UEVLD: variants seen among roughly 807,000 people sequenced by gnomAD.
UEVLD encodes the protein ubiquitin-conjugating enzyme E2 variant 3.
UEVLD carries 47 observed loss-of-function variants against 58.6 expected under a neutral mutation model. The observed-to-expected ratio is 0.80, with a 90% CI of 0.63 to 1.02. UEVLD has a LOEUF of 1.02. Among genes scored for constraint, UEVLD ranks in the 50% least tolerant of loss-of-function variants. UEVLD has a pLI of 0.00. For missense variants in UEVLD, 510 were observed against 550.6 expected, an observed-to-expected ratio of 0.93 and a Z score of 0.74; for synonymous variants, 197 against 195.3, an observed-to-expected ratio of 1.01 and a Z score of -0.07.
In UEVLD at chr11:18,532,322, A is replaced by G. The variant is rs1850592847; in HGVS notation, c.1414T>C (p.Ter472ArgextTer6). 1 of 1,593,982 alleles carries G rather than the reference A, an allele frequency of 6.3e-7. No homozygotes were observed. The highest frequency in any genetic ancestry group is 2.3e-5 in the East Asian group (1 of 44,184). The stretch of plus-strand genomic sequence containing the variant: ...GCCTCTCAAATTGCATTTGAGAATC[A>G]AAGTTTTAACTGTTGTTGGAGACTG... ...IHSLQQQLKL[*>R] Residue 472 changes from the stop codon to arginine, a stop_lost, in exon 12 of 12, where the codon TGA becomes CGA. Transcript: ENST00000396197.
At chr11:18,579,499 T>C (rs1017872757) in intron 1 of UEVLD, 2 of 985,292 alleles carry the variant, frequency 2.0e-6, no homozygotes, top group African/African-American at 3.5e-5. Context: ...AACCGTCTTT[T>C]TGGCACGGCT....
intron 7 of UEVLD, among the ~76,000 whole-genome samples, chr11:18,548,947 G>T (rs938416112): frequency 6.6e-6 from 1 of 152,152 alleles, no homozygotes; most frequent in African/African-American, 2.4e-5. Context: ...AAAACCTCAA[G>T]AATTAGAAGA....
intron 1 of UEVLD, among the ~76,000 whole-genome samples, chr11:18,579,105 G>A (rs1285810521): frequency 6.6e-6 from 1 of 152,084 alleles, no homozygotes; most frequent in Non-Finnish European, 1.5e-5. Context: ...CTGACCTCGT[G>A]ATCTGCCTGC....
In UEVLD at chr11:18,542,890, CTTTTT is replaced by C. The variant is rs890676886; in HGVS notation, c.1060+1728_1060+1732del. Among the ~76,000 whole-genome samples the C allele has an allele frequency of 3.0e-3, 374 of 125,896 alleles. 1 individual carries two copies. Among genetic ancestry groups the C allele is most frequent in the Non-Finnish European group, 4.2e-3 (260 of 62,120 alleles). 82.6% of individuals were successfully genotyped at this position (125,896 alleles called of 152,430 possible). ...CAGAGGAGTTATTTTCTTTTCTTTT[CTTTTT>C]TTTTTTTTTTTCTTTGAGACTAAGT... On this transcript the variant is annotated intron_variant, in intron 9 of 11. Transcript: ENST00000396197.
chr11:18,545,436 T>TTG (rs2133975877), intron 8 of UEVLD, among the ~76,000 whole-genome samples: 1 of 150,468 alleles, frequency 6.6e-6, no homozygotes, highest in East Asian at 2.0e-4. Context: ...TTTTACTGTG[T>TTG]TTTGTTTGTT....
intron 2 of UEVLD, among the ~76,000 whole-genome samples, chr11:18,577,390 C>T (rs896746914): frequency 6.6e-6 from 1 of 152,216 alleles, no homozygotes; most frequent in African/African-American, 2.4e-5. Context: ...TCATTATTCT[C>T]AACCTCTTTT....
rs1043228200 is a variant in UEVLD, at chr11:18,585,792, C to T, written c.42+2821G>A. 5.3e-5 allele frequency among the ~76,000 whole-genome samples: 8 copies of T among 152,046 alleles called. No homozygotes were observed. In the East Asian group the frequency reaches 1.5e-3, roughly 29 times the overall value. ...AGCTGGGGTTACAGGTGCCCACCAC[C>T]ATGCCCAGTTTTTACATTTTTTAGG... On this transcript the variant is annotated intron_variant, in intron 1 of 11. Coordinates refer to ENST00000396197, the MANE Select transcript of UEVLD (RefSeq NM_001040697.4).
At chr11:18,583,182 C>T (rs1383301271) in intron 1 of UEVLD, among the ~76,000 whole-genome samples, 1 of 150,752 alleles carries the variant, frequency 6.6e-6, no homozygotes, top group African/African-American at 2.4e-5. Context: ...CCTCAGCCTC[C>T]CAAAGTACTT....
At chr11:18,586,656 G>A (rs1377328189) in intron 1 of UEVLD, among the ~76,000 whole-genome samples, 8 of 152,142 alleles carry the variant, frequency 5.3e-5, no homozygotes, top group Non-Finnish European at 1.5e-5. Flanking sequence ...AAGTAGCGGG[G>A]ACTACAGGCA....
intron 4 of UEVLD, 55 bp from the exon 5 acceptor site, chr11:18,566,537 T>A: frequency 6.3e-7 from 1 of 1,581,228 alleles, no homozygotes; most frequent in Non-Finnish European, 8.6e-7. Flanking sequence ...TGAAGAATAC[T>A]ACCTTTGTTG....
At position 18,534,366 on chromosome 11, in the gene UEVLD, A is replaced by C. The variant is rs780729982; in HGVS notation, c.1212T>G (p.Asn404Lys). Residue 404 changes from asparagine (N) to lysine (K), a missense_variant, in exon 11 of 12, where the codon AAT becomes AAG. Transcript: ENST00000396197. ...VADMVDSIVNNKKKVHSVSAL... is the reference protein window; with the variant it reads ...VADMVDSIVNKKKKVHSVSAL... ...CTGATACAGAATGCACTTTCTTCTT[A>C]TTGTTTACAATACTGTCAACCATGT... 19 of 1,562,938 alleles carry C rather than the reference A, an allele frequency of 1.2e-5. No homozygotes were observed. The highest frequency in any genetic ancestry group is 1.5e-5 in the Non-Finnish European group (18 of 1,162,840).
In UEVLD at chr11:18,532,455, TA is replaced by T. The variant is rs1177977308; in HGVS notation, c.1280del (p.Leu427Ter). On this transcript the variant is annotated frameshift_variant, in exon 12 of 12. Coordinates refer to ENST00000396197, the MANE Select transcript of UEVLD (RefSeq NM_001040697.4). LOFTEE classifies it high-confidence loss of function. ...GYYDINSEVF[L>X]SLPCILGTNG... ...TGGTTCCAAGGATGCAAGGCAAACT[TA>T]AAAACACTTCACTATTTATATCATA... is the stretch of plus-strand genomic sequence containing the variant. 1.9e-6 allele frequency: 3 copies of T among 1,612,390 alleles called. No individual in the cohort carries two copies. Among genetic ancestry groups the T allele is most frequent in the Non-Finnish European group, 1.7e-6 (2 of 1,179,276 alleles).
intron 1 of UEVLD, among the ~76,000 whole-genome samples, chr11:18,581,276 A>G (rs1029449775): frequency 3.3e-5 from 5 of 152,234 alleles, no homozygotes; most frequent in Non-Finnish European, 5.9e-5. Flanking sequence ...ATATGTATAC[A>G]ATAGTAAGTA....
rs921219916 is a variant in UEVLD, at chr11:18,588,692, C to A, written c.-38G>T. 6 of 1,599,872 alleles carry A rather than the reference C, an allele frequency of 3.8e-6. No homozygotes were observed. Among genetic ancestry groups the A allele is most frequent in the East Asian group, 2.2e-5 (1 of 44,610 alleles). ...CCCGAGCTAGGTCCCAGGACTCCAG[C>A]CCCCGGACCTTCTTCCGGACTTGCT... On this transcript the variant is annotated 5_prime_UTR_variant, in exon 1 of 12. Coordinates refer to ENST00000396197, the MANE Select transcript of UEVLD (RefSeq NM_001040697.4).
rs1852998795 is a variant in UEVLD at position 18,577,797 on chromosome 11, A to C, written c.127+927T>G. Among the ~76,000 whole-genome samples, 3 of 149,502 alleles carry C rather than the reference A, an allele frequency of 2.0e-5. No homozygotes were observed. The Admixed American group carries it at 2.0e-4, about 10-fold the overall frequency. On this transcript the variant is annotated intron_variant, in intron 2 of 11. Transcript: ENST00000396197. ...TGAGGCAGGAGAATCGCTTGAACCT[A>C]GGAGGCAGAGGTTGCAGTGAGCTGA...
chr11:18,545,257 G>T (rs1003590636), intron 8 of UEVLD, among the ~76,000 whole-genome samples: 1 of 151,638 alleles, frequency 6.6e-6, no homozygotes, highest in Admixed American at 6.6e-5. Flanking sequence ...ATTTTTGGTA[G>T]AGACGGGGTT....
At chr11:18,536,904 T>TTTTTG in intron 9 of UEVLD, 1 of 192,692 alleles carries the variant, frequency 5.2e-6, no homozygotes, top group East Asian at 1.6e-4. Context: ...CCTTTTTTTT[T>TTTTTG]TTTTTTTTTC....
chr11:18,564,581 A>G (rs891264188), intron 6 of UEVLD, among the ~76,000 whole-genome samples: 1 of 152,188 alleles, frequency 6.6e-6, no homozygotes, highest in Non-Finnish European at 1.5e-5. Context: ...ACTACATTAA[A>G]TGAGTTTAAT....
chr11:18,570,408 A>G (rs748002652), intron 3 of UEVLD, 31 bp from the exon 4 acceptor site: 1 of 1,494,704 alleles, frequency 6.7e-7, no homozygotes, highest in Non-Finnish European at 8.9e-7. Context: ...ATATCTTCAA[A>G]CAATAATAAA....
Sources: gnomAD v4.1 joint callset for allele counts (sites outside exome capture counted in the v4.1 genomes callset) on GRCh38, gnomAD v4.1.1 for gene constraint, MANE v1.5 for transcripts, NCBI Gene and HGNC (gene_info 2026-07-23, HGNC 2026-07-21) for gene names.